The following DNAJC6 variants were observed in gnomAD, a reference collection of about 807,000 sequenced individuals.
DNAJC6 encodes DnaJ heat shock protein family (Hsp40) member C6.
In DNAJC6, 34 loss-of-function variants were observed where a neutral mutation model predicts 110.0. The observed-to-expected ratio is 0.31, with a 90% CI of 0.24 to 0.41. The LOEUF (loss-of-function observed/expected upper bound fraction) is 0.41. DNAJC6 is among the 10% of genes least tolerant of loss of function. The pLI is 1.00. For missense variants in DNAJC6, 1,031 were observed against 1,207.8 expected (o/e 0.85, Z 2.17); for synonymous variants, 406 against 437.2 (o/e 0.93, Z 0.89).
chr1:65,287,857 GCCTCCTA>G (rs1200560920), intron 1 of DNAJC6, among the ~76,000 whole-genome samples: 2 of 152,122 alleles, frequency 1.3e-5, no homozygotes, highest in Non-Finnish European at 1.5e-5. Flanking sequence ...GCTTGCCTTG[GCCTCCTA>G]AAGTGTCGGG....
intron 4 of DNAJC6, among the ~76,000 whole-genome samples, chr1:65,371,663 G>C (rs1310763285): frequency 6.6e-6 from 1 of 152,166 alleles, no homozygotes; most frequent in African/African-American, 2.4e-5. Context: ...GGATGATGGA[G>C]AGATGAAAAT....
Position 65,389,553 on chromosome 1 carries a change from C to A in DNAJC6, c.1394C>A (p.Ala465Asp), listed in dbSNP as rs1228075605. 6.2e-7 allele frequency: 1 copy of A among 1,614,162 alleles called. No homozygotes were observed. Among genetic ancestry groups the A allele is most frequent in the Non-Finnish European group, 8.5e-7 (1 of 1,180,012 alleles). Residue 465 changes from alanine (A) to aspartate (D), a missense_variant, in exon 11 of 19, where the codon GCT becomes GAT. By Grantham distance (126) the Ala-to-Asp change is moderately radical (BLOSUM62 -2). Coordinates refer to ENST00000371069, the MANE Select transcript of DNAJC6 (RefSeq NM_001256864.2). ...HQDTLALGGQ[A>D]PIDIPPDNPR... ...TGGTCTTTTTGTCTTGCAGGACAGGCTCCAATAGATATCCCTCCAGACAAC... is the reference window on the plus strand; with the variant it reads ...TGGTCTTTTTGTCTTGCAGGACAGGATCCAATAGATATCCCTCCAGACAAC...
intron 1 of DNAJC6, among the ~76,000 whole-genome samples, chr1:65,319,778 C>G (rs1645181289): frequency 6.6e-6 from 1 of 152,076 alleles, no homozygotes; most frequent in African/African-American, 2.4e-5. Context: ...GATCCTTATT[C>G]TTATTTTAGT....
chr1:65,344,878 G>A (rs775672297), intron 1 of DNAJC6, among the ~76,000 whole-genome samples: 7 of 152,060 alleles, frequency 4.6e-5, no homozygotes, highest in Non-Finnish European at 1.0e-4. Context: ...TTCCATCTAA[G>A]GACTGTTTCC....
chr1:65,368,735 T>TCCTTCTTCTTCTTC (rs1645676294), intron 4 of DNAJC6, among the ~76,000 whole-genome samples: 1 of 8,724 alleles, frequency 1.1e-4, no homozygotes. Context: ...CTTCTTCTTC[T>TCCTTCTTCTTCTTC]TCCCCCTCCC....
chr1:65,406,897 A>G (rs1309861662), intron 16 of DNAJC6, among the ~76,000 whole-genome samples: 7 of 152,206 alleles, frequency 4.6e-5, no homozygotes, highest in African/African-American at 1.4e-4. Context: ...TCTATGGAAC[A>G]TGGAAAGGCA....
At chr1:65,382,650 G>T (rs1645832557) in intron 5 of DNAJC6, among the ~76,000 whole-genome samples, 1 of 152,200 alleles carries the variant, frequency 6.6e-6, no homozygotes, top group African/African-American at 2.4e-5. Flanking sequence ...GGTTTTAGTG[G>T]ATAGAGAGAA....
chr1:65,351,949 A>G (rs904386256), intron 1 of DNAJC6, among the ~76,000 whole-genome samples: 7 of 152,036 alleles, frequency 4.6e-5, no homozygotes, highest in African/African-American at 1.4e-4. Context: ...TGTTTTTAGT[A>G]GAGACGGGGT....
chr1:65,269,617 C>A (rs954178618), intron 1 of DNAJC6, among the ~76,000 whole-genome samples: 1 of 152,084 alleles, frequency 6.6e-6, no homozygotes. Flanking sequence ...CAAATTCTTT[C>A]AAGGATTTTT....
intron 15 of DNAJC6, among the ~76,000 whole-genome samples, chr1:65,402,435 A>G (rs1374476719): frequency 6.6e-6 from 1 of 152,238 alleles, no homozygotes; most frequent in East Asian, 1.9e-4. Flanking sequence ...TTCTGAGAGC[A>G]GGTGAGATTG....
In DNAJC6 at chr1:65,303,733, T is replaced by G. The variant is rs184587425; in HGVS notation, c.-131+38801T>G. On this transcript the variant is annotated intron_variant, in intron 1 of 19. Coordinates refer to the DNAJC6 transcript ENST00000263441. ...GGCACCATGCCCAGCTAATTTTTTG[T>G]TTGTTTGTTTGTTTGTTTTTTAGTA... is the stretch of plus-strand genomic sequence containing the variant. Among the ~76,000 whole-genome samples the G allele has an allele frequency of 4.7e-3, 720 of 151,924 alleles. 4 individuals are homozygous for G. Among genetic ancestry groups the G allele is most frequent in the Non-Finnish European group, 8.1e-3 (548 of 67,950 alleles).
intron 1 of DNAJC6, among the ~76,000 whole-genome samples, chr1:65,296,575 A>G (rs1289088336): frequency 6.9e-6 from 1 of 145,266 alleles, no homozygotes; most frequent in Non-Finnish European, 1.5e-5. Flanking sequence ...TTATTCATTC[A>G]TTCGACACAT....
intron 1 of DNAJC6, among the ~76,000 whole-genome samples, chr1:65,272,091 T>A (rs1653525017): frequency 6.6e-6 from 1 of 152,184 alleles, no homozygotes; most frequent in African/African-American, 2.4e-5. Context: ...TCTCTTATAA[T>A]GTTGAATAGA....
chr1:65,323,206 C>T (rs1216034438), intron 1 of DNAJC6, among the ~76,000 whole-genome samples: 1 of 152,156 alleles, frequency 6.6e-6, no homozygotes, highest in African/African-American at 2.4e-5. Flanking sequence ...ACAGATAATG[C>T]CTTTTAATAT....
chr1:65,266,278 G>A (rs199626451), intron 1 of DNAJC6, among the ~76,000 whole-genome samples: 4 of 149,556 alleles, frequency 2.7e-5, no homozygotes, highest in Non-Finnish European at 4.5e-5. Flanking sequence ...GAAAAAGAAG[G>A]AAAAAAAAAC....
At chr1:65,396,856 A>C (rs1645983401) in intron 13 of DNAJC6, among the ~76,000 whole-genome samples, 1 of 152,162 alleles carries the variant, frequency 6.6e-6, no homozygotes. Context: ...TTAAATATAA[A>C]ATGAATTAAC....
intron 1 of DNAJC6, among the ~76,000 whole-genome samples, chr1:65,310,637 C>G (rs1012634707): frequency 6.6e-6 from 1 of 152,158 alleles, no homozygotes; most frequent in Non-Finnish European, 1.5e-5. Context: ...AAGGAAATTC[C>G]TCTAAACTTT....
At chr1:65,340,536 C>A (rs966613487) in intron 1 of DNAJC6, among the ~76,000 whole-genome samples, 2 of 152,182 alleles carry the variant, frequency 1.3e-5, no homozygotes, top group Non-Finnish European at 2.9e-5. Flanking sequence ...CCACACAGAT[C>A]TGGTTTGTGT....
Position 65,309,954 on chromosome 1 carries a change from G to T in DNAJC6, c.193+16G>T, listed in dbSNP as rs1401122972. ...GACAGCTCAGGTAGCGCTGCCCGAG[G>T]GGAGTGCAGCGCTGAGCCCCGCGCG... On this transcript the variant is annotated intron_variant, in intron 1 of 18. Coordinates refer to ENST00000371069, the MANE Select transcript of DNAJC6 (RefSeq NM_001256864.2). 1.4e-6 allele frequency: 2 copies of T among 1,432,074 alleles called. No homozygotes were observed. Among genetic ancestry groups the T allele is most frequent in the Non-Finnish European group, 1.8e-6 (2 of 1,093,680 alleles). The allele number at this position is 1,432,074 out of a possible 1,614,324, so 88.7% of individuals were successfully genotyped here. A position where few individuals can be genotyped will look rare whatever the true frequency, so the allele number is the denominator to read the frequency against.
Sources: allele counts gnomAD v4.1 joint callset (sites outside exome capture counted in the v4.1 genomes callset), GRCh38; gene constraint gnomAD v4.1.1; transcripts MANE v1.5; gene names NCBI Gene and HGNC (gene_info 2026-07-23, HGNC 2026-07-21).